Variants in KIAA1217 observed in about 807,000 individuals in gnomAD.
KIAA1217 encodes KIAA1217, also known as sickle tail protein homolog.
KIAA1217 carries 88 observed loss-of-function variants against 163.9 expected under a neutral mutation model. The ratio of observed to expected loss-of-function variants is 0.54; its 90% confidence interval spans 0.45 to 0.64. The LOEUF (loss-of-function observed/expected upper bound fraction) is 0.64. KIAA1217 is among the 30% of genes least tolerant of loss of function. The pLI is 0.00. For synonymous variants in KIAA1217, 903 were observed against 923.1 expected, an observed-to-expected ratio of 0.98 and a Z score of 0.39; for missense variants, 2,372 against 2,475.0, an observed-to-expected ratio of 0.96 and a Z score of 0.88.
chr10:24,427,319 C>A (rs1232586034), intron 3 of KIAA1217, among the ~76,000 whole-genome samples: 2 of 151,676 alleles, frequency 1.3e-5, no homozygotes, highest in Admixed American at 6.6e-5. Context: ...CACGCTTCAA[C>A]ATCTTCAAGC....
chr10:23,712,813 G>A (rs1488733478), intron 1 of KIAA1217, among the ~76,000 whole-genome samples: 2 of 152,076 alleles, frequency 1.3e-5, no homozygotes, highest in Non-Finnish European at 2.9e-5. Context: ...ATTAAATAAT[G>A]CAGGAATAGA....
At chr10:23,970,077 A>G (rs1433497287) in intron 1 of KIAA1217, among the ~76,000 whole-genome samples, 2 of 152,164 alleles carry the variant, frequency 1.3e-5, no homozygotes, top group Non-Finnish European at 2.9e-5. Flanking sequence ...TCTCTCCCAC[A>G]CCACATGGGA....
At chr10:24,223,713 T>C (rs986607317) in intron 2 of KIAA1217, among the ~76,000 whole-genome samples, 1 of 131,446 alleles carries the variant, frequency 7.6e-6, no homozygotes, top group Non-Finnish European at 1.5e-5. Flanking sequence ...TCTAGGTTCT[T>C]TTTTTTTTTT....
chr10:23,850,699 T>C (rs897178798), intron 1 of KIAA1217, among the ~76,000 whole-genome samples: 1 of 152,134 alleles, frequency 6.6e-6, no homozygotes, highest in African/African-American at 2.4e-5. Context: ...CTCACATTGC[T>C]ATAAAAAACT....
chr10:24,245,376 C>T (rs1410164212), intron 2 of KIAA1217, among the ~76,000 whole-genome samples: 1 of 152,142 alleles, frequency 6.6e-6, no homozygotes, highest in Non-Finnish European at 1.5e-5. Context: ...ATGGAGAGAG[C>T]AGAGACCCCA....
chr10:24,253,755 G>A (rs7069915), intron 2 of KIAA1217, among the ~76,000 whole-genome samples: 109,005 of 150,536 alleles, frequency 0.72, 39,672 homozygotes, highest in Admixed American at 0.79. Flanking sequence ...AAAAGAAAAG[G>A]AAAGAAAAAA....
chr10:23,794,197 C>T (rs1004732121), intron 1 of KIAA1217, among the ~76,000 whole-genome samples: 3 of 152,184 alleles, frequency 2.0e-5, no homozygotes, highest in African/African-American at 7.2e-5. Flanking sequence ...GTGGATGCTA[C>T]TCCATGTCCC....
chr10:24,386,004 A>G (rs2053958308), intron 3 of KIAA1217, among the ~76,000 whole-genome samples: 1 of 152,180 alleles, frequency 6.6e-6, no homozygotes, highest in Non-Finnish European at 1.5e-5. Context: ...GGGTAGCCAC[A>G]AGATGTTCCC....
At position 24,240,080 on chromosome 10, in the gene KIAA1217, T is replaced by G. The variant is rs76005983; in HGVS notation, c.354+20171T>G. 2.9e-3 allele frequency among the ~76,000 whole-genome samples: 437 copies of G among 151,894 alleles called. 4 individuals are homozygous for G. The East Asian group carries it at 0.055, about 19-fold the overall frequency. On this transcript the variant is annotated intron_variant, in intron 2 of 20. Transcript: ENST00000376454. ...TACTGGTCACTTGGGAGTATGAGGGTTTTTTTTGTTTGCTTCGGCTGCCAG... is the reference window on the plus strand; with the variant it reads ...TACTGGTCACTTGGGAGTATGAGGGGTTTTTTTGTTTGCTTCGGCTGCCAG...
intron 3 of KIAA1217, among the ~76,000 whole-genome samples, chr10:24,392,785 G>T (rs2055157202): frequency 6.6e-6 from 1 of 152,214 alleles, no homozygotes; most frequent in Non-Finnish European, 1.5e-5. Context: ...TGGAACAAGA[G>T]ATGAGACATT....
intron 1 of KIAA1217, among the ~76,000 whole-genome samples, chr10:23,852,506 T>C (rs1027757481): frequency 1.3e-5 from 2 of 152,208 alleles, no homozygotes; most frequent in African/African-American, 4.8e-5. Context: ...GGGCTCTTTT[T>C]TGGTTCCATA....
Position 24,425,436 on chromosome 10 carries a change from C to T in KIAA1217, c.554-7559C>T, listed in dbSNP as rs191954803. 7.2e-4 allele frequency among the ~76,000 whole-genome samples: 110 copies of T among 152,274 alleles called. 2 individuals carry two copies. In the South Asian group the frequency reaches 0.011, roughly 15 times the overall value. ...AAGAGGCCACTCAAAATTGTGTAAG[C>T]TTCAGGGCTCACAAAATGTGGGGTC... On this transcript the variant is annotated intron_variant, in intron 3 of 20. Transcript: ENST00000376454.
chr10:24,510,230 C>A (rs1225473328), intron 9 of KIAA1217, among the ~76,000 whole-genome samples: 1 of 152,156 alleles, frequency 6.6e-6, no homozygotes, highest in Non-Finnish European at 1.5e-5. Flanking sequence ...CTGAGCATGT[C>A]CTTTGACTTC....
intron 2 of KIAA1217, among the ~76,000 whole-genome samples, chr10:24,269,802 C>T (rs898685297): frequency 1.3e-5 from 2 of 152,182 alleles, no homozygotes; most frequent in African/African-American, 2.4e-5. Context: ...TATCAAGGGG[C>T]ATTTTTAGGA....
intron 5 of KIAA1217, among the ~76,000 whole-genome samples, chr10:24,441,674 C>A (rs1010302900): frequency 1.3e-5 from 2 of 152,156 alleles, no homozygotes; most frequent in Non-Finnish European, 2.9e-5. Context: ...TCTCTACCCA[C>A]CACCCTGATC....
At chr10:23,949,334 C>T (rs1437482016) in intron 1 of KIAA1217, among the ~76,000 whole-genome samples, 1 of 152,154 alleles carries the variant, frequency 6.6e-6, no homozygotes, top group South Asian at 2.1e-4. Flanking sequence ...TTTTGTAAGC[C>T]TGATTATTTT....
intron 2 of KIAA1217, among the ~76,000 whole-genome samples, chr10:24,062,168 AG>A (rs1056016762): frequency 4.0e-5 from 6 of 151,844 alleles, no homozygotes; most frequent in African/African-American, 1.5e-4. Context: ...TTTAAGCTTT[AG>A]GGTACATGTG....
chr10:24,149,978 G>T (rs902586805), intron 2 of KIAA1217, among the ~76,000 whole-genome samples: 1 of 151,990 alleles, frequency 6.6e-6, no homozygotes, highest in African/African-American at 2.4e-5. Flanking sequence ...AAACAATAAA[G>T]CTTAAAACAG....
chr10:24,155,378 GA>G (rs2064827819), intron 2 of KIAA1217, among the ~76,000 whole-genome samples: 1 of 152,166 alleles, frequency 6.6e-6, no homozygotes, highest in African/African-American at 2.4e-5. Context: ...AGTACTTAGA[GA>G]ACATCTAAGT....
Sources: allele counts gnomAD v4.1 joint callset (sites outside exome capture counted in the v4.1 genomes callset), GRCh38; gene constraint gnomAD v4.1.1; transcripts MANE v1.5; gene names NCBI Gene and HGNC (gene_info 2026-07-23, HGNC 2026-07-21).